The following PPP1R1C variants were observed in gnomAD, a reference collection of about 807,000 sequenced individuals.
PPP1R1C encodes the protein protein phosphatase 1 regulatory inhibitor subunit 1C, also known as protein phosphatase 1 regulatory subunit 1C.
In PPP1R1C, 15 loss-of-function variants were observed where a neutral mutation model predicts 17.4. That is an observed-to-expected ratio of 0.86 (90% CI 0.58 to 1.33). PPP1R1C has a LOEUF of 1.33. Among genes scored for constraint, PPP1R1C ranks in the 40% most tolerant of loss-of-function variants. The pLI is 0.00. For missense variants in PPP1R1C, 143 were observed against 130.0 expected (o/e 1.10, Z -0.48); for synonymous variants, 35 against 43.1 (o/e 0.81, Z 0.73).
intron 4 of PPP1R1C, among the ~76,000 whole-genome samples, chr2:182,076,202 T>C (rs868210781): frequency 7.9e-4 from 30 of 38,060 alleles, no homozygotes; most frequent in Admixed American, 1.1e-3. Flanking sequence ...CTTTTCTTTT[T>C]TTTTTTTTTT....
At chr2:182,010,459 T>C (rs1686057258) in intron 2 of PPP1R1C, among the ~76,000 whole-genome samples, 1 of 152,118 alleles carries the variant, frequency 6.6e-6, no homozygotes, top group African/African-American at 2.4e-5. Flanking sequence ...TACTGATGTT[T>C]GTATGTTAAT....
intron 4 of PPP1R1C, among the ~76,000 whole-genome samples, chr2:182,100,138 A>G (rs1689054748): frequency 6.6e-6 from 1 of 152,176 alleles, no homozygotes; most frequent in African/African-American, 2.4e-5. Context: ...AGGTAATGAT[A>G]CAGAAGAAAA....
chr2:182,013,050 AAT>A (rs1686140249), intron 2 of PPP1R1C, among the ~76,000 whole-genome samples: 1 of 152,072 alleles, frequency 6.6e-6, no homozygotes, highest in East Asian at 1.9e-4. Context: ...TCAAGATATG[AAT>A]AGTTTGCACA....
chr2:181,962,726 GTGTT>G lies in PPP1R1C; in HGVS notation n.111+8099_111+8102del, dbSNP rs1574340349. Among the ~76,000 whole-genome samples, 1 of 152,352 alleles carries G rather than the reference GTGTT, an allele frequency of 6.6e-6. No individual in the cohort carries two copies. Among genetic ancestry groups the G allele is most frequent in the East Asian group, 1.9e-4 (1 of 5,192 alleles). On this transcript the variant is annotated intron_variant and non_coding_transcript_variant, in intron 1 of 5. Coordinates refer to the PPP1R1C transcript ENST00000464264. This position sits in a 1 kb window ranked among gnomAD's most constrained non-coding sequence, Gnocchi z 6.0. ...TTACTCCAGAATGAAGCCTAGAGGG[GTGTT>G]TGTTTGATATACAGTGAGTTTTCCT...
At chr2:182,009,292 G>A (rs552173964) in intron 2 of PPP1R1C, among the ~76,000 whole-genome samples, 37 of 152,136 alleles carry the variant, frequency 2.4e-4, no homozygotes, top group African/African-American at 8.9e-4. Flanking sequence ...ACCAGCATTT[G>A]TTATTGCCTA....
At chr2:182,095,920 A>G (rs890953459) in intron 4 of PPP1R1C, among the ~76,000 whole-genome samples, 1 of 151,812 alleles carries the variant, frequency 6.6e-6, no homozygotes, top group African/African-American at 2.4e-5. Flanking sequence ...GATTACAGTG[A>G]GCCAAGATCG....
intron 2 of PPP1R1C, among the ~76,000 whole-genome samples, chr2:182,032,525 G>A (rs1686876061): frequency 6.6e-6 from 1 of 152,124 alleles, no homozygotes; most frequent in Admixed American, 6.5e-5. Flanking sequence ...GGAGCCTAGA[G>A]CAGTTTCTGA....
chr2:181,963,781 C>A (rs919467006), intron 1 of PPP1R1C, among the ~76,000 whole-genome samples: 3 of 150,138 alleles, frequency 2.0e-5, no homozygotes, highest in Admixed American at 6.6e-5. Flanking sequence ...ACCTAGAGTT[C>A]TTTTTTGCTT....
At chr2:182,038,467 A>C (rs17456753) in intron 2 of PPP1R1C, among the ~76,000 whole-genome samples, 2 of 148,442 alleles carry the variant, frequency 1.3e-5, no homozygotes, top group Non-Finnish European at 3.0e-5. Flanking sequence ...GATATTTTTT[A>C]TTGACGACTT....
intron 4 of PPP1R1C, among the ~76,000 whole-genome samples, chr2:182,074,776 A>T (rs1222884183): frequency 6.6e-6 from 1 of 152,196 alleles, no homozygotes. Context: ...CCAACACCTC[A>T]GTTGTGGCAG....
At chr2:182,007,773 G>C (rs1347369194) in intron 2 of PPP1R1C, among the ~76,000 whole-genome samples, 1 of 151,838 alleles carries the variant, frequency 6.6e-6, no homozygotes, top group African/African-American at 2.4e-5. Context: ...TATCAAAATA[G>C]AAATCAAGGC....
At chr2:182,013,018 G>T (rs1290841157) in intron 2 of PPP1R1C, among the ~76,000 whole-genome samples, 1 of 151,910 alleles carries the variant, frequency 6.6e-6, no homozygotes, top group Non-Finnish European at 1.5e-5. Flanking sequence ...TTTTTGATGG[G>T]TGCATCATTT....
chr2:181,983,470 G>T (rs1286796235), upstream of PPP1R1C, among the ~76,000 whole-genome samples: 1 of 151,844 alleles, frequency 6.6e-6, no homozygotes, highest in Non-Finnish European at 1.5e-5. Context: ...TCTCTAATAG[G>T]GATAAAAAAA....
rs559685759 is a variant in PPP1R1C, at chr2:182,086,394, C to T, written c.241+22603C>T. The stretch of plus-strand genomic sequence containing the variant: ...TTTCTTTAAAAGGATCATACTTAAA[C>T]TTTGTAAGAGTGTGGGAAAAGATAC... On this transcript the variant is annotated intron_variant, in intron 4 of 4. Coordinates refer to ENST00000682840, the MANE Select transcript of PPP1R1C (RefSeq NM_001080545.3). Among the ~76,000 whole-genome samples, 20 of 152,164 alleles carry T rather than the reference C, an allele frequency of 1.3e-4. No homozygotes were observed. In the South Asian group the frequency reaches 3.3e-3, roughly 25 times the overall value.
chr2:182,056,328 T>C (rs1265648595), intron 2 of PPP1R1C, among the ~76,000 whole-genome samples: 1 of 152,254 alleles, frequency 6.6e-6, no homozygotes, highest in Non-Finnish European at 1.5e-5. Context: ...AACCTGCTTA[T>C]TGCATTTTGC....
At chr2:182,122,066 A>C (rs1006448865), downstream of PPP1R1C, among the ~76,000 whole-genome samples, 1 of 152,176 alleles carries the variant, frequency 6.6e-6, no homozygotes, top group East Asian at 1.9e-4. Context: ...TGTCAGGTGA[A>C]TAAGTTAGGG....
At chr2:182,021,691 C>T (rs1686434038) in intron 2 of PPP1R1C, among the ~76,000 whole-genome samples, 2 of 152,156 alleles carry the variant, frequency 1.3e-5, no homozygotes, top group Non-Finnish European at 2.9e-5. Flanking sequence ...ATGGCAATTT[C>T]TCTCTGCCTT....
chr2:182,012,097 TG>T (rs1480698805), intron 2 of PPP1R1C, among the ~76,000 whole-genome samples: 1 of 152,034 alleles, frequency 6.6e-6, no homozygotes, highest in Non-Finnish European at 1.5e-5. Context: ...TTATGGCCAT[TG>T]GATAACCTGT....
At chr2:181,958,958 T>C (rs1559037647) in intron 1 of PPP1R1C, among the ~76,000 whole-genome samples, 1 of 152,254 alleles carries the variant, frequency 6.6e-6, no homozygotes, top group Non-Finnish European at 1.5e-5. Context: ...GAGGCACAAA[T>C]GTTTGCATTT....
Sources: allele counts gnomAD v4.1 joint callset (sites outside exome capture counted in the v4.1 genomes callset), GRCh38; gene constraint gnomAD v4.1.1; non-coding constraint Gnocchi (gnomAD v3.1); transcripts MANE v1.5; gene names NCBI Gene and HGNC (gene_info 2026-07-23, HGNC 2026-07-21).